The following BCR variants were observed in gnomAD, a reference collection of about 807,000 sequenced individuals.
The protein encoded by BCR is breakpoint cluster region protein.
In BCR, 58 loss-of-function variants were observed where a neutral mutation model predicts 138.6. The ratio of observed to expected loss-of-function variants is 0.42; its 90% CI spans 0.34 to 0.52. The LOEUF (loss-of-function observed/expected upper bound fraction) is 0.52. BCR is among the 20% of genes least tolerant of loss of function. BCR has a pLI of 0.06. For missense variants in BCR, 1,599 were observed against 1,727.2 expected (o/e 0.93, Z 1.32); for synonymous variants, 786 against 730.1 (o/e 1.08, Z -1.23).
At chr22:23,260,829 C>T (rs1458171376) in intron 2 of BCR, 121 bp from the exon 3 acceptor site, 9 of 901,638 alleles carry the variant, frequency 1.0e-5, no homozygotes, top group Non-Finnish European at 1.5e-5. Flanking sequence ...CCATGTGGAG[C>T]CTTTGTGGGG....
At chr22:23,245,108 C>T (rs2073141490) in intron 1 of BCR, among the ~76,000 whole-genome samples, 1 of 152,214 alleles carries the variant, frequency 6.6e-6, no homozygotes, top group Non-Finnish European at 1.5e-5. Flanking sequence ...GTGATTCAGT[C>T]TCCAACCAGC....
chr22:23,261,623 G>C, intron 4 of BCR, 83 bp downstream of exon 4: 10 of 1,477,662 alleles, frequency 6.8e-6, no homozygotes, highest in Non-Finnish European at 9.2e-6. Flanking sequence ...GTAGAGACAG[G>C]GTTTTGCTAT....
intron 15 of BCR, among the ~76,000 whole-genome samples, chr22:23,293,106 A>G (rs534730871): frequency 1.3e-5 from 2 of 148,412 alleles, no homozygotes; most frequent in Non-Finnish European, 3.0e-5. Context: ...GCCTTCCTCC[A>G]CCTTGGAGAG....
intron 2 of BCR, among the ~76,000 whole-genome samples, chr22:23,257,881 C>T (rs2073311923): frequency 6.6e-6 from 1 of 152,202 alleles, no homozygotes; most frequent in African/African-American, 2.4e-5. Flanking sequence ...ACGCAGCCAA[C>T]ACTAGGATAC....
At chr22:23,297,205 T>TTG (rs1568979516) in intron 16 of BCR, among the ~76,000 whole-genome samples, 1 of 125,956 alleles carries the variant, frequency 7.9e-6, no homozygotes, top group African/African-American at 3.6e-5. Flanking sequence ...CCTGGCTAAG[T>TTG]TGTTTTTTGT....
At chr22:23,222,262 G>T (rs1374250996) in intron 1 of BCR, among the ~76,000 whole-genome samples, 1 of 152,192 alleles carries the variant, frequency 6.6e-6, no homozygotes, top group Non-Finnish European at 1.5e-5. Context: ...GTTAATGCTT[G>T]CAGAGTGAAC....
chr22:23,230,039 T>C (rs1279693405), intron 1 of BCR, among the ~76,000 whole-genome samples: 1 of 143,174 alleles, frequency 7.0e-6, no homozygotes, highest in Non-Finnish European at 1.5e-5. Context: ...AGAGCAAGCT[T>C]TTCTGTTTGG....
chr22:23,216,454 A>AG (rs2072753040), intron 1 of BCR, among the ~76,000 whole-genome samples: 1 of 152,242 alleles, frequency 6.6e-6, no homozygotes, highest in Non-Finnish European at 1.5e-5. Context: ...GTAATACAAA[A>AG]GGGGTTCCAT....
chr22:23,193,705 G>C (rs1311681886), intron 1 of BCR, among the ~76,000 whole-genome samples: 1 of 152,228 alleles, frequency 6.6e-6, no homozygotes, highest in Admixed American at 6.5e-5. Context: ...GAGAGGCTGA[G>C]TTGCCCTGTG....
intron 1 of BCR, among the ~76,000 whole-genome samples, chr22:23,244,972 C>T (rs1056532419): frequency 6.6e-6 from 1 of 152,154 alleles, no homozygotes; most frequent in Non-Finnish European, 1.5e-5. Flanking sequence ...GGTCCTTTAA[C>T]AGTGTTCTGG....
chr22:23,305,382 C>T (rs2073946233), intron 16 of BCR, among the ~76,000 whole-genome samples: 1 of 152,214 alleles, frequency 6.6e-6, no homozygotes, highest in Non-Finnish European at 1.5e-5. Context: ...CAAGCATTTC[C>T]TCCTTTGGAA....
intron 1 of BCR, among the ~76,000 whole-genome samples, chr22:23,195,896 CAAATTAAATAAAT>C (rs1382709760): frequency 6.6e-6 from 1 of 152,034 alleles, no homozygotes; most frequent in Non-Finnish European, 1.5e-5. Context: ...AAATTAAAAA[CAAATTAAATAAAT>C]AAATAAATAC....
intron 1 of BCR, among the ~76,000 whole-genome samples, chr22:23,195,942 A>C (rs1349385570): frequency 6.6e-6 from 1 of 152,222 alleles, no homozygotes; most frequent in Admixed American, 6.5e-5. Context: ...AATAACAGGT[A>C]CAAATTTTAA....
intron 1 of BCR, among the ~76,000 whole-genome samples, chr22:23,213,985 C>T (rs1043851275): frequency 6.6e-6 from 1 of 152,162 alleles, no homozygotes; most frequent in African/African-American, 2.4e-5. Flanking sequence ...TAAGTTTCCT[C>T]ATCTGTGAAA....
intron 1 of BCR, among the ~76,000 whole-genome samples, chr22:23,219,446 T>C (rs1216443816): frequency 6.6e-6 from 1 of 152,250 alleles, no homozygotes; most frequent in East Asian, 1.9e-4. Flanking sequence ...TCCCTTTGGC[T>C]GTGACCCTGT....
At chr22:23,231,513 T>TAA (rs2072958312) in intron 1 of BCR, among the ~76,000 whole-genome samples, 1 of 144,022 alleles carries the variant, frequency 6.9e-6, no homozygotes, top group South Asian at 2.2e-4. Flanking sequence ...TCTCATAAAA[T>TAA]AAAATAAAAT....
chr22:23,188,132 G>A (rs2072370491), intron 1 of BCR, among the ~76,000 whole-genome samples: 2 of 152,162 alleles, frequency 1.3e-5, no homozygotes, highest in Non-Finnish European at 1.5e-5. Flanking sequence ...TCTCAGTTGA[G>A]TACAGGCTCC....
intron 16 of BCR, among the ~76,000 whole-genome samples, chr22:23,300,107 C>T (rs2073888303): frequency 6.6e-6 from 1 of 152,170 alleles, no homozygotes; most frequent in Admixed American, 6.5e-5. Context: ...GCAGCCATCA[C>T]CACCATCATC....
At chr22:23,298,199 G>A (rs1029620461) in intron 16 of BCR, among the ~76,000 whole-genome samples, 3 of 152,212 alleles carry the variant, frequency 2.0e-5, no homozygotes, top group Non-Finnish European at 4.4e-5. Context: ...ACATCAGGGG[G>A]AAGAGGGATT....
Sources: allele counts gnomAD v4.1 joint callset (sites outside exome capture counted in the v4.1 genomes callset), GRCh38; gene constraint gnomAD v4.1.1; transcripts MANE v1.5; gene names NCBI Gene and HGNC (gene_info 2026-07-23, HGNC 2026-07-21).